MYO18B: variants seen among roughly 807,000 people sequenced by gnomAD.
MYO18B encodes unconventional myosin-XVIIIb.
Under a neutral mutation model 273.0 loss-of-function variants are expected in MYO18B, and 204 were observed. The ratio of observed to expected loss-of-function variants is 0.75; its 90% confidence interval spans 0.67 to 0.84. The LOEUF (loss-of-function observed/expected upper bound fraction) is 0.84, where lower values mean the gene tolerates loss of function less well. Ranked by LOEUF, MYO18B falls within the 40% of genes least tolerant of loss-of-function variation. The pLI, the probability that MYO18B is intolerant of heterozygous loss-of-function variation, is 0.00. For synonymous variants in MYO18B, 1,330 were observed against 1,305.7 expected (o/e 1.02, Z -0.40); for missense variants, 3,212 against 3,287.6 (o/e 0.98, Z 0.56).
At chr22:25,886,438 C>T (rs2091502518) in intron 25 of MYO18B, among the ~76,000 whole-genome samples, 1 of 152,200 alleles carries the variant, frequency 6.6e-6, no homozygotes, top group Non-Finnish European at 1.5e-5. Context: ...TCCCACAAGC[C>T]AGCTGGTACT....
At chr22:25,963,834 A>G (rs1601703234) in intron 39 of MYO18B, 2 of 152,110 alleles carry the variant, frequency 1.3e-5, no homozygotes, top group South Asian at 2.1e-4. Context: ...ACAGCCCATA[A>G]TAAGCACCTA....
intron 40 of MYO18B, among the ~76,000 whole-genome samples, chr22:25,995,199 A>C (rs554629657): frequency 6.6e-6 from 1 of 152,342 alleles, no homozygotes; most frequent in African/African-American, 2.4e-5. Flanking sequence ...AAAGAGAAAC[A>C]TCGCATATTC....
At position 25,821,565 on chromosome 22, in the gene MYO18B, C is replaced by T. The variant is rs111672344; in HGVS notation, c.2522-1940C>T. The stretch of plus-strand genomic sequence containing the variant: ...GGCTGAGGTGGGCAGATCATGAGGT[C>T]GGGAGATGGAGACCATCCTGGCTAA... On this transcript the variant is annotated intron_variant, in intron 12 of 43. Coordinates refer to ENST00000335473, the MANE Select transcript of MYO18B (RefSeq NM_032608.7). Among the ~76,000 whole-genome samples the T allele has an allele frequency of 1.3e-3, 203 of 152,200 alleles. 3 individuals carry two copies. The highest frequency in any genetic ancestry group is 4.7e-3 in the African/African-American group (197 of 41,516).
chr22:25,863,595 T>G (rs1244343823), intron 21 of MYO18B, among the ~76,000 whole-genome samples: 2 of 152,228 alleles, frequency 1.3e-5, no homozygotes, highest in Admixed American at 1.3e-4. Context: ...TCCCAGGAGT[T>G]GCGCCTATGT....
At position 25,874,389 on chromosome 22, in the gene MYO18B, C is replaced by G. The variant is rs1310389011; in HGVS notation, c.4055C>G (p.Ser1352Cys). 6.8e-6 allele frequency: 11 copies of G among 1,613,958 alleles called. No individual in the cohort carries two copies. The highest frequency in any genetic ancestry group is 9.3e-6 in the Non-Finnish European group (11 of 1,179,854). Residue 1352 changes from serine to cysteine, a missense_variant, in exon 23 of 44, where the codon TCT (serine) becomes TGT (cysteine). By Grantham distance (112) the Ser-to-Cys change is moderately radical. Transcript: ENST00000335473. ...CAGGCGGCTTGCAAGGGCTTTCTGT[C>G]TCGCCAGGAATTCAAGAAGCTGAAG... Reference protein sequence around the residue: ...LFQAACKGFLSRQEFKKLKIR... With the variant: ...LFQAACKGFLCRQEFKKLKIR...
intron 42 of MYO18B, 85 bp downstream of exon 42, chr22:26,004,940 G>T: frequency 6.5e-7 from 1 of 1,550,154 alleles, no homozygotes; most frequent in Non-Finnish European, 8.8e-7. Flanking sequence ...GTCTTTCATT[G>T]TCTCTGGCAT....
At chr22:25,929,000 A>G (rs1238322086) in intron 34 of MYO18B, among the ~76,000 whole-genome samples, 1 of 152,042 alleles carries the variant, frequency 6.6e-6, no homozygotes, top group Non-Finnish European at 1.5e-5. Context: ...CTTCTCTACT[A>G]AAAATACAAA....
At chr22:25,835,522 G>A (rs2089866900) in intron 17 of MYO18B, 79 bp downstream of exon 17, 1 of 1,574,300 alleles carries the variant, frequency 6.4e-7, no homozygotes, top group Non-Finnish European at 8.6e-7. Context: ...TGCAGGGAAA[G>A]CCCTGACAAG....
chr22:25,902,754 C>G lies in MYO18B; in HGVS notation c.4947+18C>G, dbSNP rs1569171683. ...AGCTGAAGGTAAGGGATGGGGGACACAGAGCTATCTTGGCTCTTGGTGGCT... is the reference window on the plus strand; with the variant it reads ...AGCTGAAGGTAAGGGATGGGGGACAGAGAGCTATCTTGGCTCTTGGTGGCT... On this transcript the variant is annotated intron_variant, in intron 30 of 43. Transcript: ENST00000335473. 6.4e-7 allele frequency: 1 copy of G among 1,568,306 alleles called. No homozygotes were observed. The highest frequency in any genetic ancestry group is 1.2e-5 in the South Asian group (1 of 85,096).
intron 37 of MYO18B, 67 bp downstream of exon 37, chr22:25,950,517 G>GATGTGTGTGTATGT: frequency 4.1e-6 from 1 of 245,072 alleles, no homozygotes; most frequent in Non-Finnish European, 8.3e-6. Flanking sequence ...GAACTAATAG[G>GATGTGTGTGTATGT]ATGTGTGTGT....
chr22:25,860,493 AT>A (rs1240653585), intron 21 of MYO18B, among the ~76,000 whole-genome samples: 2 of 152,086 alleles, frequency 1.3e-5, no homozygotes, highest in African/African-American at 4.8e-5. Context: ...TAAAGCATAC[AT>A]TTTCCTCAAA....
intron 11 of MYO18B, among the ~76,000 whole-genome samples, chr22:25,788,167 C>G (rs964322697): frequency 2.6e-5 from 4 of 152,220 alleles, no homozygotes; most frequent in Non-Finnish European, 2.9e-5. Context: ...TGTTCTCTCT[C>G]TGCTACCTGG....
chr22:25,812,428 A>C (rs1199344223), intron 12 of MYO18B, among the ~76,000 whole-genome samples: 1 of 152,178 alleles, frequency 6.6e-6, no homozygotes, highest in East Asian at 1.9e-4. Flanking sequence ...GAGGTGCTCC[A>C]AGCCCAGAGT....
In MYO18B at chr22:26,026,597, G is replaced by C; in HGVS notation, c.6623G>C (p.Gly2208Ala). 6.2e-7 allele frequency: 1 copy of C among 1,613,870 alleles called. No individual in the cohort carries two copies. The highest frequency in any genetic ancestry group is 1.3e-5 in the African/African-American group (1 of 75,016). Residue 2208 changes from glycine to alanine, a missense_variant, in exon 43 of 44, where the codon GGC becomes GCC. By Grantham distance (60) the Gly-to-Ala change is moderately conservative. Coordinates refer to ENST00000335473, the MANE Select transcript of MYO18B (RefSeq NM_032608.7). Reference protein sequence around the residue: ...RRQKYCHFGDGEVLAVQRKST... With the variant: ...RRQKYCHFGDAEVLAVQRKST... ...CAAAAGTACTGTCATTTTGGGGACG[G>C]CGAAGTGCTTGCCGTCCAGAGAAAG...
intron 27 of MYO18B, 71 bp downstream of exon 27, chr22:25,891,483 C>T: frequency 9.5e-7 from 1 of 1,048,328 alleles, no homozygotes; most frequent in South Asian, 1.4e-5. Flanking sequence ...TTCAGTCACT[C>T]ATAGAGCACT....
intron 39 of MYO18B, among the ~76,000 whole-genome samples, chr22:25,981,345 A>T (rs2146789625): frequency 6.6e-6 from 1 of 152,340 alleles, no homozygotes; most frequent in South Asian, 2.1e-4. Flanking sequence ...TGTTACTGTG[A>T]CAGCCAGCCT....
At chr22:26,030,140 G>A (rs898027327) in intron 43 of MYO18B, among the ~76,000 whole-genome samples, 4 of 152,174 alleles carry the variant, frequency 2.6e-5, no homozygotes, top group African/African-American at 9.7e-5. Context: ...GGAGGCTGAG[G>A]CAGGAGGATC....
chr22:25,759,791 T>C (rs1468845439), intron 1 of MYO18B, among the ~76,000 whole-genome samples: 1 of 152,188 alleles, frequency 6.6e-6, no homozygotes, highest in Non-Finnish European at 1.5e-5. Context: ...TTTGATGGTT[T>C]CATACTGTTA....
intron 40 of MYO18B, among the ~76,000 whole-genome samples, chr22:25,997,954 C>A (rs868584304): frequency 5.9e-4 from 81 of 137,084 alleles, no homozygotes; most frequent in Non-Finnish European, 1.1e-3. Flanking sequence ...CACACACACA[C>A]ACAAACACAC....
Sources: allele counts gnomAD v4.1 joint callset (sites outside exome capture counted in the v4.1 genomes callset), GRCh38; gene constraint gnomAD v4.1.1; transcripts MANE v1.5; gene names NCBI Gene and HGNC (gene_info 2026-07-23, HGNC 2026-07-21).